Variants in TCERG1L observed in about 807,000 individuals in gnomAD.
TCERG1L encodes transcription elongation regulator 1 like, also known as transcription elongation regulator 1-like protein.
TCERG1L carries 37 observed loss-of-function variants against 56.3 expected under a neutral mutation model. The observed-to-expected ratio is 0.66, with a 90% confidence interval of 0.51 to 0.87. The LOEUF (loss-of-function observed/expected upper bound fraction) is 0.87. Ranked by LOEUF, TCERG1L falls within the 40% of genes least tolerant of loss-of-function variation. The pLI is 0.00. For synonymous variants in TCERG1L, 324 were observed against 326.3 expected (o/e 0.99, Z 0.08); for missense variants, 799 against 774.2 (o/e 1.03, Z -0.38).
intron 3 of TCERG1L, among the ~76,000 whole-genome samples, chr10:131,287,212 A>G (rs1354838342): frequency 6.6e-6 from 1 of 152,222 alleles, no homozygotes; most frequent in African/African-American, 2.4e-5. Context: ...AAAGTAGGGG[A>G]ATAATAATCT....
chr10:131,097,829 G>A (rs1035580448), intron 11 of TCERG1L, among the ~76,000 whole-genome samples: 22 of 152,156 alleles, frequency 1.4e-4, no homozygotes, highest in African/African-American at 4.3e-4. Flanking sequence ...TCACTTGTCC[G>A]GTGTATCAAA....
chr10:131,106,087 T>C (rs1845349360), intron 9 of TCERG1L, among the ~76,000 whole-genome samples: 1 of 152,256 alleles, frequency 6.6e-6, no homozygotes, highest in Non-Finnish European at 1.5e-5. Context: ...GGTGTGTTCA[T>C]TGCTAGTGAG....
intron 4 of TCERG1L, among the ~76,000 whole-genome samples, chr10:131,230,434 C>T (rs903321834): frequency 6.6e-6 from 1 of 152,318 alleles, no homozygotes; most frequent in South Asian, 2.1e-4. Context: ...CCAGAGGGCA[C>T]CGGCTGAAGC....
chr10:131,148,640 G>A (rs1845829233), intron 6 of TCERG1L, among the ~76,000 whole-genome samples: 3 of 143,592 alleles, frequency 2.1e-5, no homozygotes. Flanking sequence ...ACACACACAC[G>A]GAGAGACAGA....
chr10:131,281,022 G>A (rs1442875133), intron 3 of TCERG1L, among the ~76,000 whole-genome samples: 1 of 152,106 alleles, frequency 6.6e-6, no homozygotes, highest in African/African-American at 2.4e-5. Flanking sequence ...ATTTTTAAAA[G>A]GCATTATTCA....
chr10:131,219,647 C>T (rs1276635383), intron 4 of TCERG1L, among the ~76,000 whole-genome samples: 3 of 152,218 alleles, frequency 2.0e-5, no homozygotes, highest in Admixed American at 6.5e-5. Flanking sequence ...GAAGGTTGCC[C>T]GGCCCCAGGG....
At chr10:131,204,702 G>A (rs937749111) in intron 4 of TCERG1L, among the ~76,000 whole-genome samples, 9 of 152,228 alleles carry the variant, frequency 5.9e-5, no homozygotes, top group African/African-American at 2.2e-4. Flanking sequence ...CTGCGGGTAA[G>A]GGAAGAATGT....
intron 7 of TCERG1L, among the ~76,000 whole-genome samples, chr10:131,135,435 T>C (rs1383031294): frequency 6.6e-6 from 1 of 152,228 alleles, no homozygotes; most frequent in East Asian, 1.9e-4. Flanking sequence ...GTTTCAACAA[T>C]CGCAGGGGCC....
At chr10:131,250,650 G>A (rs1846099849) in intron 4 of TCERG1L, among the ~76,000 whole-genome samples, 1 of 152,132 alleles carries the variant, frequency 6.6e-6, no homozygotes, top group African/African-American at 2.4e-5. Context: ...GTGAAATGGT[G>A]GACAGCAGTG....
At chr10:131,115,562 C>T (rs1245538404) in intron 9 of TCERG1L, among the ~76,000 whole-genome samples, 2 of 152,352 alleles carry the variant, frequency 1.3e-5, no homozygotes, top group East Asian at 3.9e-4. Context: ...TGTGTTAATT[C>T]AGGCCTGACA....
At position 131,230,015 on chromosome 10, in the gene TCERG1L, G is replaced by A. The variant is rs1166365839; in HGVS notation, c.856+30244C>T. Among the ~76,000 whole-genome samples the A allele has an allele frequency of 2.6e-5, 4 of 151,946 alleles. No homozygotes were observed. In the East Asian group the frequency reaches 7.8e-4, roughly 30 times the overall value. On this transcript the variant is annotated intron_variant, in intron 4 of 11. Transcript: ENST00000368642. ...GAGCGTTGAAATTGCCTGAAGCAAG[G>A]AAGGGAGCAGCAGGTATGGGTGCCC... is the stretch of plus-strand genomic sequence containing the variant.
chr10:131,293,830 T>C (rs1164904812), intron 3 of TCERG1L, among the ~76,000 whole-genome samples: 1 of 152,236 alleles, frequency 6.6e-6, no homozygotes, highest in African/African-American at 2.4e-5. Flanking sequence ...CACTTCAGGT[T>C]GGGTAATTTT....
At chr10:131,299,177 CT>C (rs1846731024) in intron 3 of TCERG1L, among the ~76,000 whole-genome samples, 2 of 152,002 alleles carry the variant, frequency 1.3e-5, no homozygotes, top group African/African-American at 4.8e-5. Context: ...CATCTTATAT[CT>C]TTTCCAGACT....
At chr10:131,278,484 C>T (rs1431049389) in intron 3 of TCERG1L, among the ~76,000 whole-genome samples, 7 of 151,880 alleles carry the variant, frequency 4.6e-5, no homozygotes, top group Non-Finnish European at 7.4e-5. Flanking sequence ...ATTACAGGTG[C>T]CCACCACGAT....
At chr10:131,285,465 GAAGAAAGAAAGAAAGAAAGAAAGA>G (rs1212795487) in intron 3 of TCERG1L, among the ~76,000 whole-genome samples, 5 of 103,940 alleles carry the variant, frequency 4.8e-5, no homozygotes, top group African/African-American at 2.0e-4. Context: ...GAGAGAAAGG[GAAGAAAGAAAGAAAGAAAGAAAGA>G]AAGAAAGAAA....
intron 6 of TCERG1L, chr10:131,161,773 G>C (rs1845979770): frequency 6.6e-6 from 1 of 152,206 alleles, no homozygotes. Flanking sequence ...TGCCTATGTA[G>C]TTACATCTCC....
At chr10:131,187,370 A>C (rs1845255699) in intron 4 of TCERG1L, among the ~76,000 whole-genome samples, 1 of 152,202 alleles carries the variant, frequency 6.6e-6, no homozygotes, top group African/African-American at 2.4e-5. Flanking sequence ...CAGAGAGCTG[A>C]GAAGTTTGCC....
At chr10:131,241,323 C>G (rs1310065482) in intron 4 of TCERG1L, among the ~76,000 whole-genome samples, 2 of 152,082 alleles carry the variant, frequency 1.3e-5, no homozygotes, top group Non-Finnish European at 2.9e-5. Flanking sequence ...GTCAAAGAGG[C>G]AAACACAGGA....
intron 8 of TCERG1L, among the ~76,000 whole-genome samples, chr10:131,130,876 G>T (rs892497042): frequency 2.0e-5 from 3 of 152,056 alleles, no homozygotes; most frequent in Non-Finnish European, 4.4e-5. Flanking sequence ...GACTCCCCCA[G>T]TGATCTCTGC....
Sources: allele counts gnomAD v4.1 joint callset (sites outside exome capture counted in the v4.1 genomes callset), GRCh38; gene constraint gnomAD v4.1.1; transcripts MANE v1.5; gene names NCBI Gene and HGNC (gene_info 2026-07-23, HGNC 2026-07-21).